Variants in PCDHA13 observed in about 807,000 individuals in gnomAD.
The protein encoded by PCDHA13 is protocadherin alpha-13.
A neutral mutation model predicts 64.8 loss-of-function variants in PCDHA13; 54 were observed. The ratio of observed to expected loss-of-function variants is 0.83; its 90% confidence interval spans 0.67 to 1.04. The LOEUF (loss-of-function observed/expected upper bound fraction) is 1.04. Among genes scored for constraint, PCDHA13 ranks in the 50% least tolerant of loss-of-function variants. The probability of loss-of-function intolerance (pLI) is 0.00; values close to 1 mark genes in which losing one functional copy is unlikely to be tolerated. For synonymous variants in PCDHA13, 587 were observed against 564.4 expected (o/e 1.04, Z -0.57); for missense variants, 1,248 against 1,254.3 (o/e 0.99, Z 0.08).
At chr5:140,924,060 A>G (rs2081653054) in intron 1 of PCDHA13, among the ~76,000 whole-genome samples, 1 of 152,250 alleles carries the variant, frequency 6.6e-6, no homozygotes, top group African/African-American at 2.4e-5. Context: ...ACATCTTTAC[A>G]GTTGTATTTC....
In PCDHA13 at chr5:140,882,896, T is replaced by G. The variant is rs1554176010; in HGVS notation, c.628T>G (p.Leu210Val). The stretch of plus-strand genomic sequence containing the variant: ...CAGAGAGGAAATTCAGGAACATAGT[T>G]TATTACTGACAGCCAGTGATGGAGG... ...LDREEIQEHSLLLTASDGGKP... is the reference protein window; with the variant it reads ...LDREEIQEHSVLLTASDGGKP... Residue 210 changes from leucine (L) to valine (V), a missense_variant, in exon 1 of 4, where the codon TTA becomes GTA. By Grantham distance (32) the Leu-to-Val change is conservative. Transcript: ENST00000289272. The G allele has an allele frequency of 6.2e-7, 1 of 1,614,212 alleles. No individual in the cohort carries two copies.
chr5:140,985,813 CA>C lies in PCDHA13; in HGVS notation c.2542+3251del, dbSNP rs527803363. 8.2e-5 allele frequency among the ~76,000 whole-genome samples: 12 copies of C among 146,604 alleles called. No homozygotes were observed. In the East Asian group the frequency reaches 2.3e-3, roughly 28 times the overall value. ...GGAGTGCAGTGGCACGATCTCAGCT[CA>C]CAACAAGCTCTGCCTCCCGGGTTCA... On this transcript the variant is annotated intron_variant, in intron 3 of 3. Transcript: ENST00000289272.
At position 140,931,440 on chromosome 5, in the gene PCDHA13, A is replaced by C. The variant is rs539915059; in HGVS notation, c.2394+46778A>C. Among the ~76,000 whole-genome samples the C allele has an allele frequency of 2.1e-5, 3 of 141,482 alleles. No individual in the cohort carries two copies. In the South Asian group the frequency reaches 6.9e-4, roughly 32 times the overall value. 92.8% of individuals were successfully genotyped at this position (141,482 alleles called of 152,430 possible). A position where few individuals can be genotyped will look rare whatever the true frequency, so the allele number is the denominator to read the frequency against. ...CTAGAAGTTAGAAGGAAAATTAGCT[A>C]TTTAAAAGGAAAAATATAGGAATGA... On this transcript the variant is annotated intron_variant, in intron 1 of 3. Transcript: ENST00000289272.
Position 141,000,690 on chromosome 5 carries a change from A to G in PCDHA13, c.2543-8937A>G, listed in dbSNP as rs550187550. On this transcript the variant is annotated intron_variant, in intron 3 of 3. Transcript: ENST00000289272. The stretch of plus-strand genomic sequence containing the variant: ...TGATCCACCTGCCTCTGCCTCCCAA[A>G]GTGCTGGGATTACAGGCATGAGCCA... 4.2e-3 allele frequency among the ~76,000 whole-genome samples: 638 copies of G among 151,554 alleles called. 1 individual carries two copies. The highest frequency in any genetic ancestry group is 7.2e-3 in the Non-Finnish European group (489 of 67,874).
chr5:140,893,111 T>G (rs2063826181), intron 1 of PCDHA13, among the ~76,000 whole-genome samples: 1 of 152,236 alleles, frequency 6.6e-6, no homozygotes, highest in Non-Finnish European at 1.5e-5. Flanking sequence ...TATTCCGTTG[T>G]GCATATACAC....
At chr5:140,953,952 C>G (rs1025145135) in intron 1 of PCDHA13, among the ~76,000 whole-genome samples, 1 of 152,084 alleles carries the variant, frequency 6.6e-6, no homozygotes, top group Non-Finnish European at 1.5e-5. Flanking sequence ...GCTCCCCCAA[C>G]AGGCCCCAGT....
intron 1 of PCDHA13, among the ~76,000 whole-genome samples, chr5:140,964,979 G>A (rs1325298604): frequency 1.3e-5 from 2 of 152,204 alleles, no homozygotes; most frequent in African/African-American, 4.8e-5. Flanking sequence ...GGATGTGCTA[G>A]TTCAGGCCTT....
intron 1 of PCDHA13, among the ~76,000 whole-genome samples, chr5:140,941,810 A>T (rs188836583): frequency 6.6e-5 from 10 of 152,356 alleles, no homozygotes; most frequent in Admixed American, 4.6e-4. Flanking sequence ...TGATTTCAGT[A>T]GGATGACTGC....
chr5:140,917,874 C>T (rs1240832097), intron 1 of PCDHA13, among the ~76,000 whole-genome samples: 2 of 151,008 alleles, frequency 1.3e-5, no homozygotes, highest in African/African-American at 4.9e-5. Context: ...ACTATTTGGG[C>T]TCTTTTTTTT....
At chr5:140,989,744 T>C (rs1354218140) in intron 3 of PCDHA13, among the ~76,000 whole-genome samples, 1 of 152,200 alleles carries the variant, frequency 6.6e-6, no homozygotes, top group Non-Finnish European at 1.5e-5. Context: ...CATTGCCTAA[T>C]CTGGAGAAAC....
chr5:141,010,158 G>A lies in PCDHA13; in HGVS notation c.*221G>A. 6.4e-7 allele frequency: 1 copy of A among 1,570,690 alleles called. No homozygotes were observed. Among genetic ancestry groups the A allele is most frequent in the Non-Finnish European group, 8.6e-7 (1 of 1,156,884 alleles). On this transcript the variant is annotated 3_prime_UTR_variant, in exon 4 of 4. Coordinates refer to ENST00000289272, the MANE Select transcript of PCDHA13 (RefSeq NM_018904.3). Reference sequence around the variant, plus strand: ...TAACTCTTTCTCTCCACTCTGGCTTGTTTTCAGAACCTAAAAAGCAGACCC... The same window carrying A: ...TAACTCTTTCTCTCCACTCTGGCTTATTTTCAGAACCTAAAAAGCAGACCC...
At chr5:140,914,923 T>C (rs2076880546) in intron 1 of PCDHA13, among the ~76,000 whole-genome samples, 1 of 151,134 alleles carries the variant, frequency 6.6e-6, no homozygotes, top group Admixed American at 6.6e-5. Context: ...TGTCTTATTG[T>C]ACTATGTTGT....
At position 140,976,923 on chromosome 5, in the gene PCDHA13, C is replaced by T. The variant is rs2096737530; in HGVS notation, c.2395-2026C>T. Among the ~76,000 whole-genome samples the T allele has an allele frequency of 2.0e-5, 3 of 152,236 alleles. No individual in the cohort carries two copies. The South Asian group carries it at 6.2e-4, about 32-fold the overall frequency. On this transcript the variant is annotated intron_variant, in intron 1 of 3. Transcript: ENST00000289272. The stretch of plus-strand genomic sequence containing the variant: ...ATGTAATAAAGTGCAAAATCTAGTA[C>T]TGTGTAGCTACTTAAAACATATTAT...
At chr5:140,926,949 G>A in intron 1 of PCDHA13, 3 of 1,592,316 alleles carry the variant, frequency 1.9e-6, no homozygotes, top group Non-Finnish European at 2.6e-6. Context: ...GCGCTGCAGC[G>A]GGACAGCTCG....
At chr5:141,007,258 A>G (rs1160413471) in intron 3 of PCDHA13, among the ~76,000 whole-genome samples, 1 of 152,110 alleles carries the variant, frequency 6.6e-6, no homozygotes, top group Non-Finnish European at 1.5e-5. Flanking sequence ...AGTTAAAAGA[A>G]GCAGATACAG....
intron 2 of PCDHA13, among the ~76,000 whole-genome samples, chr5:140,980,258 G>A (rs2096882497): frequency 6.6e-6 from 1 of 152,164 alleles, no homozygotes; most frequent in Non-Finnish European, 1.5e-5. Context: ...GTAAAAGCAT[G>A]GTTTACAGTA....
chr5:140,934,858 CTT>C (rs1462067711), intron 1 of PCDHA13, among the ~76,000 whole-genome samples: 1 of 152,136 alleles, frequency 6.6e-6, no homozygotes, highest in African/African-American at 2.4e-5. Flanking sequence ...GCTCCTGAGT[CTT>C]TGTGAGTGTG....
At chr5:140,981,392 G>A (rs565370456) in intron 2 of PCDHA13, among the ~76,000 whole-genome samples, 1 of 152,208 alleles carries the variant, frequency 6.6e-6, no homozygotes, top group South Asian at 2.1e-4. Context: ...TGGTCAATAT[G>A]GTGAAAACCT....
intron 1 of PCDHA13, among the ~76,000 whole-genome samples, chr5:140,915,719 T>A (rs545655335): frequency 6.6e-6 from 1 of 151,956 alleles, no homozygotes; most frequent in African/African-American, 2.4e-5. Flanking sequence ...GCCCCCACTT[T>A]GGATTGTGCT....
Sources: gnomAD v4.1 joint callset for allele counts (sites outside exome capture counted in the v4.1 genomes callset) on GRCh38, gnomAD v4.1.1 for gene constraint, MANE v1.5 for transcripts, NCBI Gene and HGNC (gene_info 2026-07-23, HGNC 2026-07-21) for gene names.